The following DYNC1LI1 variants were observed in gnomAD, a reference collection of about 807,000 sequenced individuals.
The protein encoded by DYNC1LI1 is dynein cytoplasmic 1 light intermediate chain 1.
Under a neutral mutation model 63.8 loss-of-function variants are expected in DYNC1LI1, and 19 were observed. The observed-to-expected ratio is 0.30, with a 90% CI of 0.21 to 0.44. The LOEUF (loss-of-function observed/expected upper bound fraction) is 0.44. DYNC1LI1 is among the 20% of genes least tolerant of loss of function. DYNC1LI1 has a pLI of 1.00. For missense variants in DYNC1LI1, 565 were observed against 630.2 expected, an observed-to-expected ratio of 0.90 and a Z score of 1.11; for synonymous variants, 225 against 232.3, an observed-to-expected ratio of 0.97 and a Z score of 0.28.
chr3:32,555,894 CG>C (rs1698108504), intron 2 of DYNC1LI1, among the ~76,000 whole-genome samples: 1 of 152,124 alleles, frequency 6.6e-6, no homozygotes, highest in African/African-American at 2.4e-5. Flanking sequence ...GAGATATATG[CG>C]TATTAACTGT....
In DYNC1LI1 at chr3:32,544,959, A is replaced by G. The variant is rs1378511679; in HGVS notation, c.485T>C (p.Leu162Ser). The G allele has an allele frequency of 3.1e-6, 5 of 1,614,126 alleles. No homozygotes were observed. The highest frequency in any genetic ancestry group is 3.3e-5 in the Admixed American group (2 of 60,024). Residue 162 changes from leucine (L) to serine (S), a missense_variant, in exon 4 of 13, where the codon TTA becomes TCA. Coordinates refer to ENST00000273130, the MANE Select transcript of DYNC1LI1 (RefSeq NM_016141.4). ...TCTAACAACACTTGCCCATTTCTGT[A>G]AAGAATCCAAAGCAGTCCAAGGCTT... ...MSKPWTALDS[L>S]QKWASVVREH...
chr3:32,533,722 T>C lies in DYNC1LI1; in HGVS notation c.969-625A>G, dbSNP rs60559847. On this transcript the variant is annotated intron_variant, in intron 7 of 12. Transcript: ENST00000273130. ...CTGAACCACAGGTGTGTACCACATC[T>C]GGCTGATTTTTAAATTACTGGTAGA... 6.4e-3 allele frequency among the ~76,000 whole-genome samples: 960 copies of C among 151,122 alleles called. 4 individuals are homozygous for C. The highest frequency in any genetic ancestry group is 0.022 in the African/African-American group (914 of 41,128).
chr3:32,563,829 T>C (rs1259144817), intron 2 of DYNC1LI1, among the ~76,000 whole-genome samples: 6 of 152,238 alleles, frequency 3.9e-5, no homozygotes, highest in African/African-American at 1.4e-4. Flanking sequence ...TAACAATTCT[T>C]AAACCTGTGC....
chr3:32,530,169 G>C (rs1697676187), intron 10 of DYNC1LI1, 115 bp downstream of exon 10: 3 of 860,710 alleles, frequency 3.5e-6, no homozygotes, highest in Non-Finnish European at 3.5e-6. Flanking sequence ...GAAGAATTCT[G>C]AATTCAAGTT....
At chr3:32,551,235 G>C (rs1431157124) in intron 2 of DYNC1LI1, among the ~76,000 whole-genome samples, 1 of 152,192 alleles carries the variant, frequency 6.6e-6, no homozygotes, top group African/African-American at 2.4e-5. Context: ...GAAGTCAGAA[G>C]TCTTTGCAGA....
Position 32,547,350 on chromosome 3 carries a change from T to C in DYNC1LI1, c.221-1385A>G, listed in dbSNP as rs370365053. ...TACATGTTACTGTTCATGGACTTAT[T>C]AGAATCATAGTAATAGTATTTATAG... On this transcript the variant is annotated intron_variant, in intron 2 of 12. Transcript: ENST00000273130. Among the ~76,000 whole-genome samples, 4 of 152,234 alleles carry C rather than the reference T, an allele frequency of 2.6e-5. No individual in the cohort carries two copies. The East Asian group carries it at 5.8e-4, about 22-fold the overall frequency.
intron 2 of DYNC1LI1, among the ~76,000 whole-genome samples, chr3:32,548,430 C>T (rs908631538): frequency 1.1e-4 from 16 of 152,144 alleles, no homozygotes; most frequent in African/African-American, 2.9e-4. Context: ...TCCATGAAGT[C>T]GGTTTCTGGT....
At chr3:32,552,170 G>C (rs532584452) in intron 2 of DYNC1LI1, among the ~76,000 whole-genome samples, 1 of 152,052 alleles carries the variant, frequency 6.6e-6, no homozygotes, top group East Asian at 1.9e-4. Context: ...TCAGATATCT[G>C]CATGTTGCCT....
In DYNC1LI1 at chr3:32,526,612, A is replaced by G. The variant is rs559105435; in HGVS notation, c.*187T>C. The G allele has an allele frequency of 2.6e-5, 12 of 466,000 alleles. No individual in the cohort carries two copies. Among genetic ancestry groups the G allele is most frequent in the African/African-American group, 3.9e-5 (2 of 51,722 alleles). 28.9% of individuals were successfully genotyped at this position (466,000 alleles called of 1,614,324 possible). On this transcript the variant is annotated 3_prime_UTR_variant, in exon 13 of 13. Transcript: ENST00000273130. The stretch of plus-strand genomic sequence containing the variant: ...AAACAGCAATCCTACATAATGTAGA[A>G]TAATTTTTCTTCTGTACGGCTCCTT...
intron 2 of DYNC1LI1, among the ~76,000 whole-genome samples, chr3:32,565,328 T>G (rs1698243645): frequency 1.3e-5 from 2 of 152,174 alleles, no homozygotes; most frequent in Non-Finnish European, 2.9e-5. Flanking sequence ...ACCACCTAGT[T>G]TTCATTAATT....
rs35467710 is a variant in DYNC1LI1 at position 32,530,331 on chromosome 3, G to GAAA, written c.1141-6_1141-4dup. 171 of 1,425,922 alleles carry GAAA rather than the reference G, an allele frequency of 1.2e-4. No individual in the cohort carries two copies. The highest frequency in any genetic ancestry group is 5.1e-4 in the Admixed American group (22 of 43,456). 88.3% of individuals were successfully genotyped at this position (1,425,922 alleles called of 1,614,324 possible). A position where few individuals can be genotyped will look rare whatever the true frequency, so the allele number is the denominator to read the frequency against. ...GGTGGTTGCTTTGCTAAAAGGGACT[G>GAAA]AAAAAAAAAAAAAAAAAGAATCCTA... is the stretch of plus-strand genomic sequence containing the variant. On this transcript the variant is annotated splice_region_variant and splice_polypyrimidine_tract_variant and intron_variant, in intron 9 of 12. Transcript: ENST00000273130.
chr3:32,538,085 T>A (rs1697823933), intron 5 of DYNC1LI1, among the ~76,000 whole-genome samples: 1 of 93,728 alleles, frequency 1.1e-5, no homozygotes, highest in African/African-American at 4.1e-5. Context: ...ATATATAAAA[T>A]TTATATATAT....
chr3:32,552,746 G>A (rs976101681), intron 2 of DYNC1LI1, among the ~76,000 whole-genome samples: 6 of 151,896 alleles, frequency 4.0e-5, no homozygotes, highest in Admixed American at 6.6e-5. Context: ...TCCCTCTTTC[G>A]CCAGGCTGGA....
At chr3:32,553,438 A>G (rs779005017) in intron 2 of DYNC1LI1, among the ~76,000 whole-genome samples, 42 of 152,240 alleles carry the variant, frequency 2.8e-4, no homozygotes, top group Non-Finnish European at 5.3e-4. Flanking sequence ...AATGCAGGAT[A>G]CAAATTTCGT....
intron 5 of DYNC1LI1, among the ~76,000 whole-genome samples, chr3:32,537,980 AT>A (rs374602197): frequency 2.1e-5 from 1 of 47,376 alleles, no homozygotes. Flanking sequence ...ATATTTATAT[AT>A]AATATATATA....
At chr3:32,548,133 G>A (rs1021471825) in intron 2 of DYNC1LI1, among the ~76,000 whole-genome samples, 4 of 151,884 alleles carry the variant, frequency 2.6e-5, no homozygotes, top group Non-Finnish European at 5.9e-5. Context: ...TGTTAAATCA[G>A]GGGTCCCCAA....
chr3:32,553,627 G>T (rs1216482678), intron 2 of DYNC1LI1, among the ~76,000 whole-genome samples: 1 of 152,182 alleles, frequency 6.6e-6, no homozygotes, highest in African/African-American at 2.4e-5. Context: ...GCCACTAGTG[G>T]TTCCCACTTC....
At chr3:32,533,588 C>G (rs1051768705) in intron 7 of DYNC1LI1, among the ~76,000 whole-genome samples, 3 of 139,132 alleles carry the variant, frequency 2.2e-5, no homozygotes, top group Admixed American at 7.4e-5. Context: ...TTTTTTGAGA[C>G]AGAGTCTTGC....
intron 2 of DYNC1LI1, 63 bp downstream of exon 2, chr3:32,570,283 G>A: frequency 7.4e-7 from 1 of 1,358,892 alleles, no homozygotes; most frequent in Non-Finnish European, 1.0e-6. Context: ...GAGCTAGCCC[G>A]CGGACCAGGT....
Sources: allele counts gnomAD v4.1 joint callset (sites outside exome capture counted in the v4.1 genomes callset), GRCh38; gene constraint gnomAD v4.1.1; transcripts MANE v1.5; gene names NCBI Gene and HGNC (gene_info 2026-07-23, HGNC 2026-07-21).